Variants in CACNA1S observed in about 807,000 individuals in gnomAD.
CACNA1S encodes calcium voltage-gated channel subunit alpha1 S.
In CACNA1S, 126 loss-of-function variants were observed where a neutral mutation model predicts 207.4. The ratio of observed to expected loss-of-function variants is 0.61; its 90% CI spans 0.53 to 0.70. The LOEUF (loss-of-function observed/expected upper bound fraction) is 0.70, where lower values mean the gene tolerates loss of function less well. Among genes scored for constraint, CACNA1S ranks in the 30% least tolerant of loss-of-function variants. The probability of loss-of-function intolerance (pLI) is 0.00; values close to 1 mark genes in which losing one functional copy is unlikely to be tolerated. For missense variants in CACNA1S, 2,349 were observed against 2,422.8 expected, an observed-to-expected ratio of 0.97 and a Z score of 0.64; for synonymous variants, 960 against 932.7, an observed-to-expected ratio of 1.03 and a Z score of -0.53.
chr1:201,041,208 T>C (rs575638616), intron 41 of CACNA1S, among the ~76,000 whole-genome samples: 1 of 152,242 alleles, frequency 6.6e-6, no homozygotes, highest in Non-Finnish European at 1.5e-5. Context: ...ACTCCTGTGC[T>C]GGGGATGGTG....
intron 2 of CACNA1S, among the ~76,000 whole-genome samples, chr1:201,101,242 T>C (rs1179189850): frequency 6.6e-6 from 1 of 152,174 alleles, no homozygotes; most frequent in East Asian, 1.9e-4. Flanking sequence ...GGCTGCGGGC[T>C]GGGGAAAATC....
chr1:201,072,583 C>T (rs895189286), intron 16 of CACNA1S, among the ~76,000 whole-genome samples, 172 bp downstream of exon 16: 3 of 152,140 alleles, frequency 2.0e-5, no homozygotes, highest in Admixed American at 6.5e-5. Flanking sequence ...TTGAGAGAGA[C>T]AAGCTGGCAG....
At chr1:201,056,268 G>T (rs1301406595) in intron 28 of CACNA1S, among the ~76,000 whole-genome samples, 1 of 152,034 alleles carries the variant, frequency 6.6e-6, no homozygotes, top group Non-Finnish European at 1.5e-5. Context: ...TGACAGCCAA[G>T]TCCCTACTCC....
chr1:201,078,513 G>T (rs1661713632), intron 10 of CACNA1S, among the ~76,000 whole-genome samples: 2 of 57,194 alleles, frequency 3.5e-5, no homozygotes, highest in Non-Finnish European at 2.8e-5. Flanking sequence ...TTTTAAATTA[G>T]CTTCAAAAAA....
chr1:201,047,315 T>C (rs1660503457), intron 37 of CACNA1S, 76 bp from the exon 38 acceptor site: 1 of 1,593,314 alleles, frequency 6.3e-7, no homozygotes, highest in Admixed American at 1.7e-5. Context: ...GAGCCAGCTG[T>C]AGCCAGGCCC....
chr1:201,058,477 G>T lies in CACNA1S; in HGVS notation c.3540C>A (p.Asp1180Glu). The change falls in exon 28 of 44, where the codon GAC (aspartate) becomes GAA (glutamate). Residue 1180 changes from aspartate (D) to glutamate (E), a missense_variant. Physicochemically the swap from Asp to Glu is conservative, Grantham distance 45. Coordinates refer to ENST00000362061, the MANE Select transcript of CACNA1S (RefSeq NM_000069.3). ...TCAGGAAGTCAAACACATTCCAGGG[G>T]TCTCCAAAGTAGCCCTGGGAAGGAA... The part of the protein sequence containing the change: ...MAFKARGYFG[D>E]PWNVFDFLIV... 1.2e-6 allele frequency: 2 copies of T among 1,613,814 alleles called. No homozygotes were observed. The highest frequency in any genetic ancestry group is 1.1e-5 in the South Asian group (1 of 91,074).
At chr1:201,070,597 T>C (rs1243767628) in intron 16 of CACNA1S, among the ~76,000 whole-genome samples, 193 bp from the exon 17 acceptor site, 1 of 152,020 alleles carries the variant, frequency 6.6e-6, no homozygotes. Context: ...GATTTGAGCG[T>C]CAAGGGTAGG....
rs762201307 is a variant in CACNA1S at position 201,061,319 on chromosome 1, A to C, written c.3203T>G (p.Phe1068Cys). ...NIFVGFVIVT[F>C]QEQGETEYKN... is the part of the protein sequence containing the mutation. The stretch of plus-strand genomic sequence containing the variant: ...GTACTCAGTCTCTCCCTGCTCCTGG[A>C]AGGTGACAATGACGAAGCCCACAAA... The change falls in exon 25 of 44, where the codon TTC (phenylalanine) becomes TGC (cysteine). Residue 1068 changes from phenylalanine (F) to cysteine (C), a missense_variant. Phe to Cys is a radical substitution (Grantham distance 205, BLOSUM62 -2). Transcript: ENST00000362061. 6.2e-7 allele frequency: 1 copy of C among 1,614,086 alleles called. No homozygotes were observed. The highest frequency in any genetic ancestry group is 1.3e-5 in the African/African-American group (1 of 74,914).
At chr1:201,059,807 T>C (rs1305396518) in intron 26 of CACNA1S, among the ~76,000 whole-genome samples, 1 of 152,262 alleles carries the variant, frequency 6.6e-6, no homozygotes, top group Non-Finnish European at 1.5e-5. Flanking sequence ...TTATGAGGCA[T>C]GATGGTGAGG....
chr1:201,048,039 T>C (rs1415992671), intron 36 of CACNA1S, among the ~76,000 whole-genome samples: 1 of 152,242 alleles, frequency 6.6e-6, no homozygotes, highest in East Asian at 1.9e-4. Context: ...ACCCTGAGGT[T>C]GTCTCAGACT....
At chr1:201,112,001 C>T (rs1406363283) in intron 1 of CACNA1S, among the ~76,000 whole-genome samples, 187 bp downstream of exon 1, 1 of 149,456 alleles carries the variant, frequency 6.7e-6, no homozygotes, top group Non-Finnish European at 1.5e-5. Flanking sequence ...CCTCCTCTTC[C>T]TCCTCCTCCT....
At chr1:201,050,919 C>G in intron 33 of CACNA1S, 65 bp downstream of exon 33, 1 of 1,553,680 alleles carries the variant, frequency 6.4e-7, no homozygotes, top group South Asian at 1.1e-5. Context: ...AAGGGGCAGG[C>G]AGGCTCCCCC....
At chr1:201,098,085 A>G (rs1288099629) in intron 2 of CACNA1S, among the ~76,000 whole-genome samples, 1 of 152,176 alleles carries the variant, frequency 6.6e-6, no homozygotes, top group Non-Finnish European at 1.5e-5. Context: ...TTGACTCGCT[A>G]TATATTTGTT....
chr1:201,063,921 A>G (rs1246899809), intron 22 of CACNA1S, among the ~76,000 whole-genome samples: 4 of 152,224 alleles, frequency 2.6e-5, no homozygotes, highest in African/African-American at 9.6e-5. Context: ...CTCTGCTATA[A>G]TGTGGAATGC....
At position 201,053,569 on chromosome 1, in the gene CACNA1S, G is replaced by A. The variant is rs781070076; in HGVS notation, c.3685C>T (p.Arg1229Cys). 5 of 1,613,768 alleles carry A rather than the reference G, an allele frequency of 3.1e-6. No individual in the cohort carries two copies. Among genetic ancestry groups the A allele is most frequent in the African/African-American group, 2.7e-5 (2 of 74,874 alleles). The change falls in exon 30 of 44, where the codon CGC becomes TGC. Residue 1229 changes from arginine to cysteine, a missense_variant. By Grantham distance (180) the Arg-to-Cys change is radical. Transcript: ENST00000362061. This position sits in a 1 kb window ranked among gnomAD's most constrained non-coding sequence, Gnocchi z 5.1. ...AGGCGGAAGAAGGCGCTGGAGATGC[G>A]GGCACTCTCATCTGGGTCCTGCGGG... Reference protein sequence around the residue: ...CGNVDPDESARISSAFFRLFR... With the variant: ...CGNVDPDESACISSAFFRLFR...
At chr1:201,068,398 A>G (rs1263877133) in intron 19 of CACNA1S, among the ~76,000 whole-genome samples, 2 of 150,410 alleles carry the variant, frequency 1.3e-5, no homozygotes, top group Non-Finnish European at 3.0e-5. Flanking sequence ...GCCTGCCGCC[A>G]TGCCTGCCTA....
chr1:201,085,066 G>T, intron 8 of CACNA1S, 35 bp from the exon 9 acceptor site: 2 of 1,530,006 alleles, frequency 1.3e-6, no homozygotes, highest in Non-Finnish European at 1.8e-6. Context: ...GCCAGCCTTC[G>T]GGGCCCCTCT....
At chr1:201,044,239 CGTG>C in intron 39 of CACNA1S, 86 bp downstream of exon 39, 1 of 1,551,012 alleles carries the variant, frequency 6.4e-7, no homozygotes, top group Non-Finnish European at 8.8e-7. Flanking sequence ...GTCCCCCTCT[CGTG>C]TGGCTGGGCT....
Position 201,073,718 on chromosome 1 carries a change from G to A in CACNA1S, c.2064-76C>T, listed in dbSNP as rs568492619. The stretch of plus-strand genomic sequence containing the variant: ...CTGCTGAACCTGACAACACCTTCAG[G>A]AGGATCCCACACCAAGGGCTCCAGG... On this transcript the variant is annotated intron_variant, in intron 14 of 43. Coordinates refer to ENST00000362061, the MANE Select transcript of CACNA1S (RefSeq NM_000069.3). The A allele has an allele frequency of 3.4e-6, 4 of 1,178,694 alleles. No homozygotes were observed. The African/African-American group carries it at 4.5e-5, about 13-fold the overall frequency. The allele number at this position is 1,178,694 out of a possible 1,614,324, so 73.0% of individuals were successfully genotyped here.
Sources: gnomAD v4.1 joint callset for allele counts (sites outside exome capture counted in the v4.1 genomes callset) on GRCh38, gnomAD v4.1.1 for gene constraint, Gnocchi (gnomAD v3.1) non-coding constraint, MANE v1.5 for transcripts, NCBI Gene and HGNC (gene_info 2026-07-23, HGNC 2026-07-21) for gene names.